Variants in SMIM31 observed in about 807,000 individuals in gnomAD.
SMIM31 encodes human epithelial cell program regulator.
intron 2 of SMIM31, 76 bp downstream of exon 2, chr4:164,770,631 T>C: frequency 5.0e-6 from 2 of 398,096 alleles, no homozygotes. Flanking sequence ...TGCCATGTGT[T>C]GGGATTTGGT....
chr4:164,802,787 T>C lies in SMIM31; in HGVS notation c.*1593T>C, dbSNP rs561125221. The C allele has an allele frequency of 4.0e-4, 61 of 152,380 alleles. No individual in the cohort carries two copies. Among genetic ancestry groups the C allele is most frequent in the African/African-American group, 1.4e-3 (60 of 41,590 alleles). The allele number at this position is 152,380 out of a possible 1,614,324, so 9.4% of individuals were successfully genotyped here. On this transcript the variant is annotated 3_prime_UTR_variant, in exon 3 of 3. Transcript: ENST00000507311. ...TGCCATACAGAGATAGGCATACTAG[T>C]GTAAACAGAATGCTTACAAAGTTAA...
At chr4:164,795,558 C>CAAAA (rs60083689) in intron 2 of SMIM31, among the ~76,000 whole-genome samples, 1 of 76,958 alleles carries the variant, frequency 1.3e-5, no homozygotes, top group Non-Finnish European at 2.2e-5. Context: ...TACTCCATCT[C>CAAAA]AAAAAAAAAA....
Position 164,762,662 on chromosome 4 carries a change from CAAA to C in SMIM31, c.-25-7738_-25-7736del, listed in dbSNP as rs1162067333. Among the ~76,000 whole-genome samples, 603 of 100,080 alleles carry C rather than the reference CAAA, an allele frequency of 6.0e-3. 4 individuals carry two copies. Among genetic ancestry groups the C allele is most frequent in the African/African-American group, 0.02 (569 of 28,082 alleles). The allele number at this position is 100,080 out of a possible 152,430, so 65.7% of individuals were successfully genotyped here. ...TGGGCAACAGAGTAAGACTCTGTCT[CAAA>C]AAAAAAAAAAAAAAAAAAGAAAAAG... On this transcript the variant is annotated intron_variant, in intron 1 of 2. Transcript: ENST00000507311.
intron 2 of SMIM31, among the ~76,000 whole-genome samples, chr4:164,776,745 G>A (rs1309183819): frequency 6.6e-6 from 1 of 152,080 alleles, no homozygotes; most frequent in East Asian, 1.9e-4. Flanking sequence ...ACTCATTACT[G>A]GATAAATTAA....
intron 2 of SMIM31, among the ~76,000 whole-genome samples, chr4:164,786,991 G>A (rs1277897912): frequency 6.6e-6 from 1 of 152,196 alleles, no homozygotes; most frequent in Admixed American, 6.5e-5. Flanking sequence ...GGTGGCACCA[G>A]TAATTCTTTG....
At chr4:164,778,228 A>AAAAT (rs1263649811) in intron 2 of SMIM31, among the ~76,000 whole-genome samples, 2 of 152,180 alleles carry the variant, frequency 1.3e-5, no homozygotes, top group African/African-American at 2.4e-5. Flanking sequence ...TCTCTATTTA[A>AAAAT]AAATAAATAA....
chr4:164,778,624 T>C (rs147100415), intron 2 of SMIM31, among the ~76,000 whole-genome samples: 223 of 152,274 alleles, frequency 1.5e-3, no homozygotes, highest in African/African-American at 4.8e-3. Flanking sequence ...TATGACCACA[T>C]TGTAAAGCAG....
chr4:164,760,202 C>T (rs549639883), intron 1 of SMIM31, among the ~76,000 whole-genome samples: 1 of 152,168 alleles, frequency 6.6e-6, no homozygotes, highest in Admixed American at 6.5e-5. Flanking sequence ...AGGACATTTG[C>T]AAGGATACTG....
intron 2 of SMIM31, among the ~76,000 whole-genome samples, chr4:164,773,029 TAAAAAAAAAAAAAAA>T (rs56863708): frequency 1.3e-5 from 1 of 76,670 alleles, no homozygotes; most frequent in African/African-American, 4.9e-5. Flanking sequence ...CACTTGGCTT[TAAAAAAAAAAAAAAA>T]AAAAAAAAAA....
At chr4:164,789,304 C>T (rs1733070120) in intron 2 of SMIM31, among the ~76,000 whole-genome samples, 1 of 152,198 alleles carries the variant, frequency 6.6e-6, no homozygotes, top group Non-Finnish European at 1.5e-5. Flanking sequence ...AGCAGAGGTA[C>T]AAATGAACTC....
At chr4:164,773,382 T>C (rs909715079) in intron 2 of SMIM31, among the ~76,000 whole-genome samples, 1 of 152,210 alleles carries the variant, frequency 6.6e-6, no homozygotes, top group Non-Finnish European at 1.5e-5. Flanking sequence ...AACTGGGTAA[T>C]TTATAAAGGA....
At position 164,802,518 on chromosome 4, in the gene SMIM31, G is replaced by C. The variant is rs967956603; in HGVS notation, c.*1324G>C. 6 of 152,272 alleles carry C rather than the reference G, an allele frequency of 3.9e-5. No individual in the cohort carries two copies. In the East Asian group the frequency reaches 1.2e-3, roughly 29 times the overall value. 9.4% of individuals were successfully genotyped at this position (152,272 alleles called of 1,614,324 possible). ...CCCAAAGCACTGGGATTACACGCAT[G>C]AGCCACCATGCCTGGCCTGTTATTT... On this transcript the variant is annotated 3_prime_UTR_variant, in exon 3 of 3. Coordinates refer to ENST00000507311, the MANE Select transcript of SMIM31 (RefSeq NM_001352885.1).
chr4:164,765,795 A>G (rs1358763441), intron 1 of SMIM31, among the ~76,000 whole-genome samples: 1 of 152,204 alleles, frequency 6.6e-6, no homozygotes, highest in Non-Finnish European at 1.5e-5. Flanking sequence ...GTAGCAGGCT[A>G]TAAGAATTCA....
chr4:164,769,693 T>C (rs1436225056), intron 1 of SMIM31, among the ~76,000 whole-genome samples: 12 of 150,244 alleles, frequency 8.0e-5, no homozygotes, highest in African/African-American at 2.9e-4. Context: ...CATGTATACA[T>C]ACGTAACAAA....
chr4:164,761,958 T>G (rs1259486269), intron 1 of SMIM31, among the ~76,000 whole-genome samples: 1 of 149,808 alleles, frequency 6.7e-6, no homozygotes, highest in Non-Finnish European at 1.5e-5. Flanking sequence ...AATAAATAAA[T>G]AAATAATCAG....
rs779023276 is a variant in SMIM31, at chr4:164,758,622, C to CTTTTTTTTTT, written c.-26+4218_-26+4219insTTTTTTTTTT. ...GGAAATGACCATATATGTAGTTTTC[C>CTTTTTTTTTT]TTTTTTTGTTTTTTTTTTTTTTTTT... On this transcript the variant is annotated intron_variant, in intron 1 of 2. Coordinates refer to ENST00000507311, the MANE Select transcript of SMIM31 (RefSeq NM_001352885.1). Among the ~76,000 whole-genome samples, 13 of 105,386 alleles carry CTTTTTTTTTT rather than the reference C, an allele frequency of 1.2e-4. 3 individuals carry two copies. Among genetic ancestry groups the CTTTTTTTTTT allele is most frequent in the Admixed American group, 1.3e-4 (1 of 7,764 alleles). The allele number at this position is 105,386 out of a possible 152,430, so 69.1% of individuals were successfully genotyped here.
chr4:164,771,539 C>G (rs183146784), intron 2 of SMIM31, among the ~76,000 whole-genome samples: 1 of 152,046 alleles, frequency 6.6e-6, no homozygotes, highest in African/African-American at 2.4e-5. Flanking sequence ...CGGTGACTCA[C>G]GCCTATAATC....
chr4:164,764,847 T>C (rs186036489), intron 1 of SMIM31, among the ~76,000 whole-genome samples: 40 of 152,354 alleles, frequency 2.6e-4, no homozygotes, highest in Non-Finnish European at 4.9e-4. Flanking sequence ...TTTTTAGTTC[T>C]GTATTTAGGA....
rs191624035 is a variant in SMIM31, at chr4:164,776,433, T to G, written c.112+5878T>G. On this transcript the variant is annotated intron_variant, in intron 2 of 2. Coordinates refer to ENST00000507311, the MANE Select transcript of SMIM31 (RefSeq NM_001352885.1). Reference sequence around the variant, plus strand: ...AGAGGCATGGGCACAGATGAAAAATTAGCCAATTACCAGTCTTGCCCTTAA... The same window carrying G: ...AGAGGCATGGGCACAGATGAAAAATGAGCCAATTACCAGTCTTGCCCTTAA... Among the ~76,000 whole-genome samples, 68 of 152,278 alleles carry G rather than the reference T, an allele frequency of 4.5e-4. 2 individuals are homozygous for G. The South Asian group carries it at 5.8e-3, about 13-fold the overall frequency.
Sources: allele counts gnomAD v4.1 joint callset (sites outside exome capture counted in the v4.1 genomes callset), GRCh38; gene constraint gnomAD v4.1.1; transcripts MANE v1.5; gene names NCBI Gene and HGNC (gene_info 2026-07-23, HGNC 2026-07-21).